The following AHCTF1 variants were observed in gnomAD, a reference collection of about 807,000 sequenced individuals.
The protein encoded by AHCTF1 is protein ELYS.
A neutral mutation model predicts 248.4 loss-of-function variants in AHCTF1; 24 were observed. The observed-to-expected ratio is 0.10, with a 90% CI of 0.07 to 0.14. AHCTF1 has a LOEUF of 0.14. Ranked by LOEUF, AHCTF1 falls within the 10% of genes least tolerant of loss-of-function variation. The probability of loss-of-function intolerance (pLI) is 1.00; values close to 1 mark genes in which losing one functional copy is unlikely to be tolerated. For synonymous variants in AHCTF1, 786 were observed against 929.8 expected (o/e 0.85, Z 2.81); for missense variants, 2,206 against 2,636.2 (o/e 0.84, Z 3.57).
intron 4 of AHCTF1, among the ~76,000 whole-genome samples, chr1:246,910,714 CAT>C (rs966392792): frequency 1.3e-5 from 2 of 152,174 alleles, no homozygotes; most frequent in Non-Finnish European, 2.9e-5. Flanking sequence ...GGGGAAAAAT[CAT>C]ATCACACTGT....
chr1:246,847,307 A>C (rs967745493), intron 33 of AHCTF1, among the ~76,000 whole-genome samples: 4 of 49,972 alleles, frequency 8.0e-5, no homozygotes, highest in African/African-American at 2.7e-4. Flanking sequence ...AAAAACAAAC[A>C]AAAAAAAAAC....
At chr1:246,869,423 T>C (rs962443257) in intron 24 of AHCTF1, among the ~76,000 whole-genome samples, 4 of 152,102 alleles carry the variant, frequency 2.6e-5, no homozygotes, top group African/African-American at 7.2e-5. Flanking sequence ...AGCCAAGTTG[T>C]AAATGCAAAA....
At chr1:246,867,617 A>G in intron 25 of AHCTF1, 44 bp downstream of exon 25, 1 of 1,598,114 alleles carries the variant, frequency 6.3e-7, no homozygotes, top group Admixed American at 1.7e-5. Context: ...TGTCCAGTAA[A>G]GATTAACAAG....
rs771083456 is a variant in AHCTF1, at chr1:246,851,006, G to A, written c.5000C>T (p.Ala1667Val). The A allele has an allele frequency of 1.2e-6, 2 of 1,613,878 alleles. No homozygotes were observed. Among genetic ancestry groups the A allele is most frequent in the East Asian group, 4.5e-5 (2 of 44,868 alleles). The change falls in exon 33 of 36, where the codon GCA becomes GTA. Residue 1667 changes from alanine to valine, a missense_variant. Ala to Val is a moderately conservative substitution (Grantham distance 64). Around this residue, in one of 6 missense-constraint regions of AHCTF1, gnomAD observed 955 missense variants for 1,055.6 expected, o/e 0.90. Transcript: ENST00000648844. Reference sequence around the variant, plus strand: ...TACATCTAGTAAATTTTCTGCAATTGCTACTTTAATAGGTTCAGGCACATA... The same window carrying A: ...TACATCTAGTAAATTTTCTGCAATTACTACTTTAATAGGTTCAGGCACATA... ...LPYVPEPIKV[A>V]IAENLLDVIK... is the part of the protein sequence containing the mutation.
intron 14 of AHCTF1, 85 bp from the exon 15 acceptor site, chr1:246,892,004 A>G: frequency 2.2e-6 from 3 of 1,346,564 alleles, no homozygotes; most frequent in Non-Finnish European, 3.0e-6. Context: ...TCAAACTCCT[A>G]TCACTCAAAA....
chr1:246,895,983 G>A (rs1415880108), intron 12 of AHCTF1, 58 bp from the exon 13 acceptor site: 1 of 1,416,674 alleles, frequency 7.1e-7, no homozygotes, highest in South Asian at 1.2e-5. Flanking sequence ...TGAGATCATA[G>A]GCAAGTTCTG....
intron 21 of AHCTF1, among the ~76,000 whole-genome samples, chr1:246,880,716 AGAT>A (rs1382703036): frequency 6.6e-6 from 1 of 152,220 alleles, no homozygotes; most frequent in African/African-American, 2.4e-5. Context: ...AACAAATGAC[AGAT>A]GATAATGTTC....
In AHCTF1 at chr1:246,876,311, T is replaced by G. The variant is rs1662962161; in HGVS notation, c.2938-124A>C. The stretch of plus-strand genomic sequence containing the variant: ...AATCTTCCCCCTACCTACATATCCA[T>G]TTTTCCAAACCAAGAACTTCATCCA... On this transcript the variant is annotated intron_variant, in intron 23 of 35. Coordinates refer to ENST00000648844, the MANE Select transcript of AHCTF1 (RefSeq NM_001323342.2). 4 of 826,098 alleles carry G rather than the reference T, an allele frequency of 4.8e-6. No homozygotes were observed. In the East Asian group the frequency reaches 1.2e-4, roughly 25 times the overall value. 51.2% of individuals were successfully genotyped at this position (826,098 alleles called of 1,614,324 possible).
At chr1:246,919,458 A>C (rs1254463205) in intron 1 of AHCTF1, among the ~76,000 whole-genome samples, 2 of 152,186 alleles carry the variant, frequency 1.3e-5, no homozygotes, top group Non-Finnish European at 2.9e-5. Flanking sequence ...TCACGCCTGT[A>C]ATCCCAGCAC....
At chr1:246,915,307 T>C (rs1020444700) in intron 3 of AHCTF1, among the ~76,000 whole-genome samples, 2 of 152,078 alleles carry the variant, frequency 1.3e-5, no homozygotes, top group African/African-American at 4.8e-5. Flanking sequence ...TCCAGCCTGC[T>C]GACAGAGCGA....
Position 246,850,144 on chromosome 1 carries a change from A to C in AHCTF1, c.5862T>G (p.Leu1954=), listed in dbSNP as rs1205863324. The C allele has an allele frequency of 6.2e-7, 1 of 1,613,822 alleles. No individual in the cohort carries two copies. The highest frequency in any genetic ancestry group is 1.3e-5 in the African/African-American group (1 of 74,928). ...CTTGAACAGTCAACTGAGATGACTC[A>C]AGGTTGGAGTCTTCTCTCACATCTG... ...SPSDVREDSN[L]ESSQLTVQAE... The change falls in exon 33 of 36, where the codon CTT becomes CTG. Residue 1954 remains leucine, a synonymous_variant. Transcript: ENST00000648844.
chr1:246,891,877 T>A lies in AHCTF1; in HGVS notation c.1847A>T (p.Gln616Leu), dbSNP rs752175697. Residue 616 changes from glutamine to leucine, a missense_variant, in exon 15 of 36, where the codon CAA becomes CTA. Around this residue, in one of 6 missense-constraint regions of AHCTF1, gnomAD observed 650 missense variants for 870.8 expected, o/e 0.75. Transcript: ENST00000648844. ...FDGSCHFMDP[Q>L]TIQSIQQCYL... ...GCATTGCTGGATAGACTGTATAGTT[T>A]GTGGATCCATGAAATGACACGAACC... is the stretch of plus-strand genomic sequence containing the variant. 4 of 1,596,852 alleles carry A rather than the reference T, an allele frequency of 2.5e-6. No homozygotes were observed. The East Asian group carries it at 9.1e-5, about 36-fold the overall frequency.
At chr1:246,861,901 C>CA (rs1661580037) in intron 28 of AHCTF1, 58 bp downstream of exon 28, 2 of 1,408,570 alleles carry the variant, frequency 1.4e-6, no homozygotes, top group African/African-American at 2.9e-5. Context: ...TTTTACTTGT[C>CA]AGAGCTAATA....
intron 33 of AHCTF1, among the ~76,000 whole-genome samples, chr1:246,845,736 G>C (rs894554731): frequency 5.3e-5 from 8 of 152,052 alleles, no homozygotes; most frequent in African/African-American, 1.9e-4. Context: ...CCCATCTCTT[G>C]TTTTGAGGAT....
At chr1:246,887,431 C>T (rs1663900672) in intron 19 of AHCTF1, 74 bp from the exon 20 acceptor site, 1 of 1,408,694 alleles carries the variant, frequency 7.1e-7, no homozygotes, top group Non-Finnish European at 9.6e-7. Flanking sequence ...CAATAGGTAG[C>T]AACAAAATGT....
At chr1:246,929,489 G>A (rs77050095) in intron 1 of AHCTF1, among the ~76,000 whole-genome samples, 1 of 143,618 alleles carries the variant, frequency 7.0e-6, no homozygotes, top group East Asian at 2.0e-4. Context: ...ATTTAAAAAA[G>A]GAAAGATGGC....
rs1660681509 is a variant in AHCTF1, at chr1:246,851,093, A to G, written c.4913T>C (p.Ile1638Thr). The change falls in exon 33 of 36, where the codon ATT becomes ACT. Residue 1638 changes from isoleucine (I) to threonine (T), a missense_variant. Physicochemically the swap from Ile to Thr is moderately conservative, Grantham distance 89. Coordinates refer to ENST00000648844, the MANE Select transcript of AHCTF1 (RefSeq NM_001323342.2). The part of the protein sequence containing the change: ...CSGENDNHGQ[I>T]ANLPSAVTSD... ...AGTTACGGCAGATGGCAAATTTGCAATTTGTCCATGATTATCATTTTCCCC... is the reference window on the plus strand; with the variant it reads ...AGTTACGGCAGATGGCAAATTTGCAGTTTGTCCATGATTATCATTTTCCCC... The G allele has an allele frequency of 1.2e-6, 2 of 1,613,894 alleles. No homozygotes were observed. The highest frequency in any genetic ancestry group is 1.3e-5 in the African/African-American group (1 of 75,020).
chr1:246,877,270 T>C lies in AHCTF1; in HGVS notation c.2693A>G (p.Gln898Arg), dbSNP rs554869556. Residue 898 changes from glutamine to arginine, a missense_variant, in exon 22 of 36, where the codon CAA becomes CGA. Coordinates refer to ENST00000648844, the MANE Select transcript of AHCTF1 (RefSeq NM_001323342.2). ...CMVEAWNFLR[Q>R]HCNRLNIEEL... The stretch of plus-strand genomic sequence containing the variant: ...CTCTATATTCAACCTATTGCAATGT[T>C]GCCGCAAAAAATTCCAGGCTTCAAC... 4.5e-4 allele frequency: 713 copies of C among 1,601,716 alleles called. 5 individuals are homozygous for C. The South Asian group carries it at 7.5e-3, about 17-fold the overall frequency.
chr1:246,900,305 G>T, intron 9 of AHCTF1, 32 bp downstream of exon 9: 1 of 1,581,516 alleles, frequency 6.3e-7, no homozygotes, highest in Non-Finnish European at 8.5e-7. Context: ...CAAATACAAA[G>T]AGAAAGGAGA....
Sources: allele counts gnomAD v4.1 joint callset (sites outside exome capture counted in the v4.1 genomes callset), GRCh38; gene constraint gnomAD v4.1.1; regional missense constraint gnomAD v4.1.1; transcripts MANE v1.5; gene names NCBI Gene and HGNC (gene_info 2026-07-23, HGNC 2026-07-21).